The following COL4A2 variants were observed in gnomAD, a reference collection of about 807,000 sequenced individuals.
COL4A2 encodes the protein collagen type IV alpha 2 chain.
In COL4A2, 99 loss-of-function variants were observed where a neutral mutation model predicts 200.2. The observed-to-expected ratio is 0.49, with a 90% CI of 0.42 to 0.58. COL4A2 has a LOEUF of 0.58. Among genes scored for constraint, COL4A2 ranks in the 20% least tolerant of loss-of-function variants. COL4A2 has a pLI of 0.00. For missense variants in COL4A2, 1,950 were observed against 2,314.1 expected, an observed-to-expected ratio of 0.84 and a Z score of 3.23; for synonymous variants, 897 against 900.6, an observed-to-expected ratio of 1.00 and a Z score of 0.07.
intron 28 of COL4A2, among the ~76,000 whole-genome samples, chr13:110,472,330 T>G (rs367862693): frequency 6.6e-6 from 1 of 152,196 alleles, no homozygotes; most frequent in African/African-American, 2.4e-5. Context: ...TTAGCCAGGA[T>G]GGTCTCGATC....
chr13:110,394,988 AAAGATAGGGTGCAGC>A (rs373615788), intron 4 of COL4A2, among the ~76,000 whole-genome samples: 2,268 of 152,344 alleles, frequency 0.015, 30 homozygotes, highest in South Asian at 0.023. Flanking sequence ...AGACACATGG[AAAGATAGGGTGCAGC>A]ACGTCTCCGG....
At chr13:110,345,332 C>T (rs879733212) in intron 3 of COL4A2, among the ~76,000 whole-genome samples, 3 of 152,156 alleles carry the variant, frequency 2.0e-5, no homozygotes, top group East Asian at 3.8e-4. Context: ...TTAAGCATTC[C>T]GCTGTAGTTG....
At chr13:110,418,651 T>G (rs542594241) in intron 4 of COL4A2, among the ~76,000 whole-genome samples, 8 of 152,362 alleles carry the variant, frequency 5.3e-5, no homozygotes, top group African/African-American at 1.9e-4. Context: ...GTCCATATAG[T>G]TCTACCTCAT....
intron 3 of COL4A2, among the ~76,000 whole-genome samples, chr13:110,321,895 C>A (rs1301741053): frequency 6.6e-6 from 1 of 152,162 alleles, no homozygotes; most frequent in Non-Finnish European, 1.5e-5. Flanking sequence ...CCCCATAATT[C>A]AGTTAGCTCC....
At chr13:110,450,475 G>T (rs747297526) in intron 20 of COL4A2, 21 bp downstream of exon 20, 9 of 1,612,824 alleles carry the variant, frequency 5.6e-6, no homozygotes, top group Non-Finnish European at 7.6e-6. Context: ...GGAAACAAAA[G>T]GGAGGGTGTA....
At chr13:110,336,387 C>T (rs1383391614) in intron 3 of COL4A2, among the ~76,000 whole-genome samples, 2 of 152,108 alleles carry the variant, frequency 1.3e-5, no homozygotes, top group African/African-American at 4.8e-5. Context: ...TGAAGTTGGA[C>T]AAGTAGGTTT....
chr13:110,367,161 C>T (rs4773170), intron 4 of COL4A2, among the ~76,000 whole-genome samples: 60,894 of 152,048 alleles, frequency 0.4, 12,341 homozygotes, highest in Middle Eastern at 0.56. Context: ...CCACTGTGAG[C>T]GTGTGAAAAA....
At chr13:110,413,863 T>C (rs61963219) in intron 4 of COL4A2, among the ~76,000 whole-genome samples, 20,352 of 152,162 alleles carry the variant, frequency 0.13, 1,618 homozygotes, top group East Asian at 0.33. Flanking sequence ...TGGGGAACGG[T>C]ATTGCTGCAT....
At chr13:110,439,364 T>C (rs1222675217) in intron 15 of COL4A2, among the ~76,000 whole-genome samples, 1 of 152,250 alleles carries the variant, frequency 6.6e-6, no homozygotes, top group East Asian at 1.9e-4. Flanking sequence ...ATTTTTAGTT[T>C]TTCATTGTAC....
chr13:110,347,849 G>A (rs1330957065), intron 3 of COL4A2, among the ~76,000 whole-genome samples: 4 of 152,250 alleles, frequency 2.6e-5, no homozygotes, highest in East Asian at 1.9e-4. Context: ...TCGTTAAAAT[G>A]TAAAGGTGTG....
At chr13:110,423,094 C>CT (rs1880317348) in intron 4 of COL4A2, among the ~76,000 whole-genome samples, 1 of 152,098 alleles carries the variant, frequency 6.6e-6, no homozygotes, top group Admixed American at 6.5e-5. Context: ...GCAAATGGGG[C>CT]TTGGCAAGTA....
At chr13:110,435,573 G>A (rs777233201) in intron 12 of COL4A2, among the ~76,000 whole-genome samples, 12 of 152,154 alleles carry the variant, frequency 7.9e-5, no homozygotes, top group Admixed American at 2.0e-4. Flanking sequence ...ACTGCTGTCC[G>A]TGTTATGTGA....
chr13:110,496,131 A>G (rs969721877), intron 40 of COL4A2, among the ~76,000 whole-genome samples: 2 of 152,116 alleles, frequency 1.3e-5, no homozygotes, highest in African/African-American at 4.8e-5. Context: ...GCACACCTGG[A>G]TGGACAGCCT....
chr13:110,492,012 A>G, intron 37 of COL4A2, 58 bp from the exon 38 acceptor site: 1 of 1,470,122 alleles, frequency 6.8e-7, no homozygotes, highest in Non-Finnish European at 9.2e-7. Context: ...CCAGGACCTC[A>G]CCACACAGCG....
At position 110,313,055 on chromosome 13, in the gene COL4A2, T is replaced by G. The variant is rs185134621; in HGVS notation, c.99+4932T>G. On this transcript the variant is annotated intron_variant, in intron 3 of 47. Coordinates refer to ENST00000360467, the MANE Select transcript of COL4A2 (RefSeq NM_001846.4). ...TCCAGATAAGCTCCAGAATAGAATC[T>G]ATCCAGCCTGCACCAGGATATCGCT... 1.6e-4 allele frequency among the ~76,000 whole-genome samples: 25 copies of G among 152,268 alleles called. No homozygotes were observed. The East Asian group carries it at 4.1e-3, about 25-fold the overall frequency.
At chr13:110,400,612 A>G (rs1274864680) in intron 4 of COL4A2, among the ~76,000 whole-genome samples, 1 of 152,260 alleles carries the variant, frequency 6.6e-6, no homozygotes. Context: ...ACTATTAATT[A>G]CATCATTTTC....
chr13:110,476,163 T>G (rs1029952918), intron 29 of COL4A2, among the ~76,000 whole-genome samples: 1 of 152,170 alleles, frequency 6.6e-6, no homozygotes, highest in African/African-American at 2.4e-5. Flanking sequence ...ACCTGGTGTC[T>G]GTCAGATCCC....
intron 21 of COL4A2, 78 bp downstream of exon 21, chr13:110,457,513 T>C: frequency 1.2e-6 from 1 of 819,802 alleles, no homozygotes; most frequent in Non-Finnish European, 2.1e-6. Context: ...GTGAAATCCA[T>C]CCCCCACTCA....
intron 4 of COL4A2, among the ~76,000 whole-genome samples, chr13:110,410,952 C>G (rs750426076): frequency 1.3e-5 from 2 of 152,146 alleles, no homozygotes; most frequent in African/African-American, 4.8e-5. Context: ...TAAATCACTT[C>G]GGTTTGTTCA....
Sources: allele counts gnomAD v4.1 joint callset (sites outside exome capture counted in the v4.1 genomes callset), GRCh38; gene constraint gnomAD v4.1.1; transcripts MANE v1.5; gene names NCBI Gene and HGNC (gene_info 2026-07-23, HGNC 2026-07-21).